NID2: variants seen among roughly 807,000 people sequenced by gnomAD.
The protein encoded by NID2 is nidogen 2.
Under a neutral mutation model 145.4 loss-of-function variants are expected in NID2, and 83 were observed. The observed-to-expected ratio is 0.57, with a 90% CI of 0.48 to 0.69. The LOEUF (loss-of-function observed/expected upper bound fraction) is 0.69. Among genes scored for constraint, NID2 ranks in the 30% least tolerant of loss-of-function variants. The probability of loss-of-function intolerance (pLI) is 0.00; values close to 1 mark genes in which losing one functional copy is unlikely to be tolerated. For synonymous variants in NID2, 739 were observed against 701.3 expected (o/e 1.05, Z -0.85); for missense variants, 1,807 against 1,765.7 (o/e 1.02, Z -0.42).
chr14:52,030,567 AG>A (rs1165390709), intron 9 of NID2, among the ~76,000 whole-genome samples: 12,829 of 99,044 alleles, frequency 0.13, 1,631 homozygotes, highest in Non-Finnish European at 0.16. Context: ...AAAGAAAGAA[AG>A]GAAGGAAGGG....
rs1489550750 is a variant in NID2, at chr14:52,006,613, C to T, written c.3928G>A (p.Val1310Ile). 1 of 1,613,904 alleles carries T rather than the reference C, an allele frequency of 6.2e-7. No individual in the cohort carries two copies. The highest frequency in any genetic ancestry group is 8.5e-7 in the Non-Finnish European group (1 of 1,179,808). The change falls in exon 20 of 22, where the codon GTC becomes ATC. Residue 1310 changes from valine to isoleucine, a missense_variant. Physicochemically the swap from Val to Ile is conservative, Grantham distance 29. Transcript: ENST00000216286. ...CTLPDGTGRR[V>I]IQNNLKYPFS... ...GGGTACTTGAGGTTGTTTTGAATGACACGCCGTCCAGTTCCATCAGGTAGT... is the reference window on the plus strand; with the variant it reads ...GGGTACTTGAGGTTGTTTTGAATGATACGCCGTCCAGTTCCATCAGGTAGT...
rs1343690055 is a variant in NID2, at chr14:52,027,214, C to A, written c.2661G>T (p.Gly887=). 6.4e-7 allele frequency: 1 copy of A among 1,553,498 alleles called. No homozygotes were observed. The highest frequency in any genetic ancestry group is 8.7e-7 in the Non-Finnish European group (1 of 1,150,426). The change falls in exon 12 of 22, where the codon GGG becomes GGT. Residue 887 remains glycine, a synonymous_variant. Transcript: ENST00000216286. Reference sequence around the variant, plus strand: ...GCAGTTACTCACCAGTGCACTGGTGCCCATCGCCGGCATAACCAGGCAGGC... The same window carrying A: ...GCAGTTACTCACCAGTGCACTGGTGACCATCGCCGGCATAACCAGGCAGGC... ...CACLPGYAGD[G]HQCTDVDECS...
rs184053555 is a variant in NID2 at position 52,066,412 on chromosome 14, A to C, written c.534+1446T>G. Among the ~76,000 whole-genome samples, 6 of 152,288 alleles carry C rather than the reference A, an allele frequency of 3.9e-5. No homozygotes were observed. The East Asian group carries it at 1.2e-3, about 29-fold the overall frequency. On this transcript the variant is annotated intron_variant, in intron 2 of 21. Coordinates refer to ENST00000216286, the MANE Select transcript of NID2 (RefSeq NM_007361.4). ...CCTGTGATAACAGGTTATTATAGTC[A>C]ATAATAACTTAATTGTACATTTTTA...
At chr14:52,019,624 G>A (rs1044948195) in intron 13 of NID2, among the ~76,000 whole-genome samples, 1 of 151,998 alleles carries the variant, frequency 6.6e-6, no homozygotes, top group Non-Finnish European at 1.5e-5. Flanking sequence ...GAGGCCCACA[G>A]GTTAAGTCTG....
Position 52,005,479 on chromosome 14 carries a change from A to ACTGTACTTACTTTCTTCCTGT in NID2, c.4118-4_*6dup, listed in dbSNP as rs760106209. 22 of 1,595,118 alleles carry ACTGTACTTACTTTCTTCCTGT rather than the reference A, an allele frequency of 1.4e-5. No individual in the cohort carries two copies. In the East Asian group the frequency reaches 4.7e-4, roughly 34 times the overall value. On this transcript the variant is annotated 3_prime_UTR_variant, in exon 22 of 22. Coordinates refer to ENST00000216286, the MANE Select transcript of NID2 (RefSeq NM_007361.4). ...TAAACTCCAAGTCTTCCTTTACATT[A>ACTGTACTTACTTTCTTCCTGT]CTGTACTTACTTTCTTCCTGTGAGA...
At chr14:52,016,625 C>T (rs1356575434) in intron 14 of NID2, among the ~76,000 whole-genome samples, 2 of 152,352 alleles carry the variant, frequency 1.3e-5, no homozygotes, top group African/African-American at 4.8e-5. Flanking sequence ...CAAAAAGCCT[C>T]ATCCTCTCCC....
intron 5 of NID2, among the ~76,000 whole-genome samples, chr14:52,045,474 T>G (rs568325149): frequency 1.3e-5 from 2 of 151,460 alleles, no homozygotes; most frequent in African/African-American, 4.9e-5. Flanking sequence ...AAATAGAAAA[T>G]TAGGCATGAC....
At position 52,041,802 on chromosome 14, in the gene NID2, A is replaced by T. The variant is rs372249335; in HGVS notation, c.1825+303T>A. The stretch of plus-strand genomic sequence containing the variant: ...CATTTGACAGATCTGTGCATAATTT[A>T]AAAAGCCTGACAAATATGCTGCAAC... On this transcript the variant is annotated intron_variant, in intron 7 of 21. Transcript: ENST00000216286. Among the ~76,000 whole-genome samples, 136 of 152,326 alleles carry T rather than the reference A, an allele frequency of 8.9e-4. 1 individual carries two copies. Among genetic ancestry groups the T allele is most frequent in the African/African-American group, 2.9e-3 (122 of 41,576 alleles).
chr14:52,023,215 G>A (rs1397705163), intron 12 of NID2, among the ~76,000 whole-genome samples: 3 of 152,112 alleles, frequency 2.0e-5, no homozygotes, highest in East Asian at 3.9e-4. Flanking sequence ...GGTGGCTGAC[G>A]CCTGTAATCC....
chr14:52,039,052 G>GA (rs1566761665), intron 8 of NID2, 75 bp from the exon 9 acceptor site: 3 of 1,025,696 alleles, frequency 2.9e-6, no homozygotes, highest in African/African-American at 1.6e-5. Flanking sequence ...TTTTTCTGCA[G>GA]TTTTTTTCAT....
chr14:52,020,303 C>T, intron 12 of NID2, 125 bp from the exon 13 acceptor site: 1 of 1,475,404 alleles, frequency 6.8e-7, no homozygotes, highest in Non-Finnish European at 9.0e-7. Context: ...TTCAGAAGAC[C>T]TTTGAGCATG....
intron 9 of NID2, among the ~76,000 whole-genome samples, chr14:52,030,569 G>A (rs55854618): frequency 0.041 from 1,287 of 31,776 alleles, 78 homozygotes; most frequent in Admixed American, 0.048. Context: ...AGAAAGAAAG[G>A]AAGGAAGGGA....
At chr14:52,064,726 C>T (rs897686927) in intron 2 of NID2, among the ~76,000 whole-genome samples, 3 of 152,236 alleles carry the variant, frequency 2.0e-5, no homozygotes, top group African/African-American at 7.2e-5. Context: ...GGCCCCTTTG[C>T]TAATAGGTTG....
At chr14:52,051,341 T>C (rs2140418494) in intron 5 of NID2, among the ~76,000 whole-genome samples, 1 of 152,310 alleles carries the variant, frequency 6.6e-6, no homozygotes, top group South Asian at 2.1e-4. Flanking sequence ...CTTGCAAGTA[T>C]ATGACGAGGT....
intron 8 of NID2, among the ~76,000 whole-genome samples, chr14:52,040,408 G>A (rs1263673383): frequency 6.6e-6 from 1 of 152,116 alleles, no homozygotes; most frequent in Non-Finnish European, 1.5e-5. Flanking sequence ...GGACAATGTT[G>A]CTATTGATTT....
chr14:52,041,313 A>C (rs1441928483), intron 7 of NID2, among the ~76,000 whole-genome samples: 2 of 152,228 alleles, frequency 1.3e-5, no homozygotes, highest in Non-Finnish European at 2.9e-5. Context: ...AAATTTATCC[A>C]GGTGTGCCAT....
intron 12 of NID2, among the ~76,000 whole-genome samples, chr14:52,025,156 G>A (rs1056637474): frequency 6.6e-6 from 1 of 152,116 alleles, no homozygotes; most frequent in East Asian, 1.9e-4. Flanking sequence ...CCAAACAAAC[G>A]ATGTGTTCCA....
intron 3 of NID2, among the ~76,000 whole-genome samples, chr14:52,058,105 T>C (rs1892915396): frequency 1.3e-5 from 2 of 152,344 alleles, no homozygotes; most frequent in Admixed American, 6.5e-5. Context: ...TGCAATGATA[T>C]TTATAACAAG....
chr14:52,013,904 G>A (rs909604670), intron 16 of NID2, among the ~76,000 whole-genome samples: 9 of 152,340 alleles, frequency 5.9e-5, no homozygotes, highest in Middle Eastern at 6.8e-3. Context: ...CTTGTGACTA[G>A]TTGTCCTGTC....
Sources: allele counts gnomAD v4.1 joint callset (sites outside exome capture counted in the v4.1 genomes callset), GRCh38; gene constraint gnomAD v4.1.1; transcripts MANE v1.5; gene names NCBI Gene and HGNC (gene_info 2026-07-23, HGNC 2026-07-21).